The following CALU variants were observed in gnomAD, a reference collection of about 807,000 sequenced individuals.
The protein encoded by CALU is IEF SSP 9302.
In CALU, 13 loss-of-function variants were observed where a neutral mutation model predicts 37.5. The observed-to-expected ratio is 0.35, with a 90% CI of 0.23 to 0.55. The LOEUF (loss-of-function observed/expected upper bound fraction) is 0.55. Ranked by LOEUF, CALU falls within the 20% of genes least tolerant of loss-of-function variation. The pLI is 0.89. For synonymous variants in CALU, 114 were observed against 133.8 expected (o/e 0.85, Z 1.02); for missense variants, 282 against 391.7 (o/e 0.72, Z 2.36).
rs971535232 is a variant in CALU, at chr7:128,773,160, C to T, written c.*3993C>T. On this transcript the variant is annotated 3_prime_UTR_variant, in exon 7 of 7. Transcript: ENST00000249364. ...TGATAAGATATTTTAGAGATTTTTGCATGTGGTATGATTTCTGTGCTTCAC... is the reference window on the plus strand; with the variant it reads ...TGATAAGATATTTTAGAGATTTTTGTATGTGGTATGATTTCTGTGCTTCAC... 4.6e-5 allele frequency among the ~76,000 whole-genome samples: 7 copies of T among 152,202 alleles called. No individual in the cohort carries two copies. The highest frequency in any genetic ancestry group is 8.8e-5 in the Non-Finnish European group (6 of 68,040).
chr7:128,744,177 T>C (rs1234624809), intron 1 of CALU, among the ~76,000 whole-genome samples: 2 of 152,102 alleles, frequency 1.3e-5, no homozygotes, highest in Admixed American at 1.3e-4. Flanking sequence ...CTGCACTCCA[T>C]CCTGGGCAAC....
At position 128,748,787 on chromosome 7, in the gene CALU, G is replaced by A. The variant is rs758295234; in HGVS notation, c.204G>A (p.Glu68=). The A allele has an allele frequency of 3.1e-6, 5 of 1,614,036 alleles. No homozygotes were observed. The South Asian group carries it at 5.5e-5, about 18-fold the overall frequency. The stretch of plus-strand genomic sequence containing the variant: ...CCTTTGATCAGCTGACACCAGAAGA[G>A]AGCAAGGAAAGGCTTGGGTAAGGTA... ...AKTFDQLTPE[E]SKERLGKIVS... is the part of the protein sequence containing the mutation. Residue 68 remains glutamate (E), a synonymous_variant, in exon 2 of 7, where the codon GAG becomes GAA. Coordinates refer to ENST00000249364, the MANE Select transcript of CALU (RefSeq NM_001219.5).
At chr7:128,759,683 A>G (rs1039222647) in intron 4 of CALU, 109 bp from the exon 5 acceptor site, 4 of 683,140 alleles carry the variant, frequency 5.9e-6, no homozygotes, top group South Asian at 1.5e-5. Context: ...ACATACATGT[A>G]CAAGTGTGTT....
intron 6 of CALU, 109 bp from the exon 7 acceptor site, chr7:128,768,954 G>A (rs1801450102): frequency 1.7e-6 from 1 of 600,376 alleles, no homozygotes; most frequent in African/African-American, 1.9e-5. Flanking sequence ...TAATTTAGTA[G>A]AAATGAGAAT....
intron 5 of CALU, among the ~76,000 whole-genome samples, chr7:128,765,962 TTTTG>T (rs1801311174): frequency 2.0e-5 from 3 of 152,160 alleles, no homozygotes; most frequent in Admixed American, 2.0e-4. Flanking sequence ...AAATTATGGG[TTTTG>T]TTTGTTTCAA....
rs192800780 is a variant in CALU, at chr7:128,770,402, A to C, written c.*1235A>C. 7 of 152,738 alleles carry C rather than the reference A, an allele frequency of 4.6e-5. No homozygotes were observed. The highest frequency in any genetic ancestry group is 1.0e-4 in the Non-Finnish European group (7 of 68,038). 9.5% of individuals were successfully genotyped at this position (152,738 alleles called of 1,614,324 possible). ...AATTTACCAGGGATCCTCATACCTC[A>C]CAATGCAAACCACTTACTACCAGGC... On this transcript the variant is annotated 3_prime_UTR_variant, in exon 7 of 7. Transcript: ENST00000249364.
intron 1 of CALU, among the ~76,000 whole-genome samples, chr7:128,740,423 G>T (rs936442306): frequency 6.6e-6 from 1 of 152,212 alleles, no homozygotes; most frequent in Non-Finnish European, 1.5e-5. Context: ...CTTGGAGGCA[G>T]AGAACCTTGG....
chr7:128,760,704 C>G (rs1054844976), intron 5 of CALU, among the ~76,000 whole-genome samples: 2 of 152,040 alleles, frequency 1.3e-5, no homozygotes, highest in Admixed American at 6.6e-5. Context: ...GTCAGGAGAT[C>G]GAGACCATCC....
intron 1 of CALU, among the ~76,000 whole-genome samples, chr7:128,743,526 C>CT (rs576884589): frequency 1.0e-3 from 151 of 145,144 alleles, no homozygotes; most frequent in Middle Eastern, 7.1e-3. Flanking sequence ...TTTTTTTTTT[C>CT]TTTTTCTTTT....
Position 128,771,065 on chromosome 7 carries a change from A to G in CALU, c.*1898A>G, listed in dbSNP as rs969686872. On this transcript the variant is annotated 3_prime_UTR_variant, in exon 7 of 7. Transcript: ENST00000249364. The stretch of plus-strand genomic sequence containing the variant: ...AAATTTCCTGCCCTCTGGGTTCCCC[A>G]TTTTTACTATTAAGAAGACCAGTGA... The G allele has an allele frequency of 1.3e-5, 2 of 152,552 alleles. No individual in the cohort carries two copies. The highest frequency in any genetic ancestry group is 2.9e-5 in the Non-Finnish European group (2 of 68,028). The allele number at this position is 152,552 out of a possible 1,614,324, so 9.4% of individuals were successfully genotyped here. A position where few individuals can be genotyped will look rare whatever the true frequency, so the allele number is the denominator to read the frequency against.
At chr7:128,764,663 A>G (rs558071581) in intron 5 of CALU, among the ~76,000 whole-genome samples, 1 of 152,320 alleles carries the variant, frequency 6.6e-6, no homozygotes, top group South Asian at 2.1e-4. Context: ...CATTGTGGGT[A>G]TATAAGAAAA....
rs539153171 is a variant in CALU at position 128,742,801 on chromosome 7, T to C, written c.-12+3369T>C. ...CCAGTTAGGCTTTTCTCTTTATAAATTACTGGAACGATTCATGAAAACAAC... is the reference window on the plus strand; with the variant it reads ...CCAGTTAGGCTTTTCTCTTTATAAACTACTGGAACGATTCATGAAAACAAC... On this transcript the variant is annotated intron_variant, in intron 1 of 6. Transcript: ENST00000249364. 1.4e-4 allele frequency among the ~76,000 whole-genome samples: 22 copies of C among 152,280 alleles called. No individual in the cohort carries two copies. The East Asian group carries it at 3.9e-3, about 27-fold the overall frequency.
intron 1 of CALU, among the ~76,000 whole-genome samples, chr7:128,742,630 GACAAAA>G (rs1800282644): frequency 6.6e-6 from 1 of 152,170 alleles, no homozygotes; most frequent in Non-Finnish European, 1.5e-5. Context: ...GGACACTAAG[GACAAAA>G]ACTTCCTTGA....
chr7:128,752,890 G>T (rs1416072892), intron 2 of CALU, among the ~76,000 whole-genome samples: 1 of 152,090 alleles, frequency 6.6e-6, no homozygotes, highest in Non-Finnish European at 1.5e-5. Context: ...TCACCATGTT[G>T]GCCAGGCTGG....
Position 128,771,567 on chromosome 7 carries a change from G to A in CALU, c.*2400G>A, listed in dbSNP as rs192738917. ...AAATGTCAGAATGGGAACTCTCCTC[G>A]AAGTTCTCCCAAACTCAGAGACAGC... On this transcript the variant is annotated 3_prime_UTR_variant, in exon 7 of 7. Transcript: ENST00000249364. The A allele has an allele frequency of 1.3e-5, 2 of 152,604 alleles. No homozygotes were observed. The highest frequency in any genetic ancestry group is 1.9e-4 in the East Asian group (1 of 5,186). The allele number at this position is 152,604 out of a possible 1,614,324, so 9.5% of individuals were successfully genotyped here. A position where few individuals can be genotyped will look rare whatever the true frequency, so the allele number is the denominator to read the frequency against.
At chr7:128,747,235 A>G (rs1800482480) in intron 1 of CALU, among the ~76,000 whole-genome samples, 1 of 152,214 alleles carries the variant, frequency 6.6e-6, no homozygotes, top group African/African-American at 2.4e-5. Context: ...ATGGGATTGA[A>G]TGAAACAATG....
chr7:128,750,652 A>G (rs1800635971), intron 2 of CALU, among the ~76,000 whole-genome samples: 1 of 152,220 alleles, frequency 6.6e-6, no homozygotes, highest in Non-Finnish European at 1.5e-5. Context: ...GGGAGCAAGA[A>G]TCCCACATGA....
At chr7:128,748,229 C>A in intron 1 of CALU, 1 of 640,844 alleles carries the variant, frequency 1.6e-6, no homozygotes, top group Non-Finnish European at 2.6e-6. Context: ...ACATTTAAAC[C>A]TTGGTTCTTT....
rs1801507608 is a variant in CALU, at chr7:128,770,286, T to C, written c.*1119T>C. 1 of 152,656 alleles carries C rather than the reference T, an allele frequency of 6.6e-6. No individual in the cohort carries two copies. The highest frequency in any genetic ancestry group is 1.5e-5 in the Non-Finnish European group (1 of 68,042). 9.5% of individuals were successfully genotyped at this position (152,656 alleles called of 1,614,324 possible). Reference sequence around the variant, plus strand: ...ATTTTTTTCTTCTTCCCTTTCTCTTTTGGACAATAGTTAAATTAGCAGTAT... The same window carrying C: ...ATTTTTTTCTTCTTCCCTTTCTCTTCTGGACAATAGTTAAATTAGCAGTAT... On this transcript the variant is annotated 3_prime_UTR_variant, in exon 7 of 7. Coordinates refer to ENST00000249364, the MANE Select transcript of CALU (RefSeq NM_001219.5).
Sources: gnomAD v4.1 joint callset for allele counts (sites outside exome capture counted in the v4.1 genomes callset) on GRCh38, gnomAD v4.1.1 for gene constraint, MANE v1.5 for transcripts, NCBI Gene and HGNC (gene_info 2026-07-23, HGNC 2026-07-21) for gene names.